FGD3: variants seen among roughly 807,000 people sequenced by gnomAD.
FGD3 encodes the protein FYVE, RhoGEF and PH domain containing 3, also known as FYVE, RhoGEF and PH domain-containing protein 3.
In FGD3, 45 loss-of-function variants were observed where a neutral mutation model predicts 71.8. The ratio of observed to expected loss-of-function variants is 0.63; its 90% CI spans 0.49 to 0.80. The LOEUF (loss-of-function observed/expected upper bound fraction) is 0.80. FGD3 is among the 30% of genes least tolerant of loss of function. FGD3 has a pLI of 0.00. For missense variants in FGD3, 844 were observed against 951.5 expected (o/e 0.89, Z 1.49); for synonymous variants, 378 against 392.8 (o/e 0.96, Z 0.44).
chr9:92,981,543 T>C (rs949621514), intron 3 of FGD3, among the ~76,000 whole-genome samples: 4 of 152,180 alleles, frequency 2.6e-5, no homozygotes, highest in Non-Finnish European at 5.9e-5. Flanking sequence ...TGTAATTGTC[T>C]GTTTGGTTCA....
At chr9:92,981,935 T>G (rs959587104) in intron 3 of FGD3, among the ~76,000 whole-genome samples, 2 of 152,194 alleles carry the variant, frequency 1.3e-5, no homozygotes, top group Non-Finnish European at 2.9e-5. Flanking sequence ...GATTAGATCA[T>G]GGCAATTAAC....
intron 10 of FGD3, 98 bp downstream of exon 10, chr9:93,015,927 G>C: frequency 9.4e-7 from 1 of 1,059,584 alleles, no homozygotes; most frequent in Non-Finnish European, 1.5e-6. Context: ...TCACCTCTGT[G>C]CAGCCTGGCA....
chr9:93,001,352 T>C (rs970634524), intron 3 of FGD3, among the ~76,000 whole-genome samples: 1 of 152,234 alleles, frequency 6.6e-6, no homozygotes, highest in Non-Finnish European at 1.5e-5. Context: ...TACATTTTTC[T>C]GTTTCTTTGT....
chr9:92,950,547 G>A (rs1397401499), intron 1 of FGD3, among the ~76,000 whole-genome samples: 1 of 152,190 alleles, frequency 6.6e-6, no homozygotes, highest in African/African-American at 2.4e-5. Context: ...ACGCAGCTTG[G>A]CAGTCCTTGC....
At chr9:92,963,622 G>A (rs1859215468) in intron 1 of FGD3, among the ~76,000 whole-genome samples, 1 of 152,138 alleles carries the variant, frequency 6.6e-6, no homozygotes, top group South Asian at 2.1e-4. Flanking sequence ...TAAAAAAAAT[G>A]AATATAAGCC....
At chr9:93,007,960 G>T (rs543493511) in intron 6 of FGD3, among the ~76,000 whole-genome samples, 39 of 152,264 alleles carry the variant, frequency 2.6e-4, no homozygotes, top group East Asian at 1.5e-3. Flanking sequence ...GACCTGGTGT[G>T]GAAAAAACAG....
intron 3 of FGD3, among the ~76,000 whole-genome samples, chr9:92,993,692 A>G (rs1860511282): frequency 6.6e-6 from 1 of 152,032 alleles, no homozygotes; most frequent in Admixed American, 6.6e-5. Context: ...TTCAATTCCC[A>G]TCTATGAGTG....
intron 3 of FGD3, among the ~76,000 whole-genome samples, chr9:92,981,024 G>A (rs1298638442): frequency 1.3e-5 from 2 of 151,644 alleles, no homozygotes; most frequent in Admixed American, 1.3e-4. Context: ...GCACATGTCT[G>A]TGGATTTTCA....
chr9:93,006,360 T>C (rs1209496686), intron 6 of FGD3, among the ~76,000 whole-genome samples, 180 bp downstream of exon 6: 2 of 152,220 alleles, frequency 1.3e-5, no homozygotes, highest in Non-Finnish European at 2.9e-5. Flanking sequence ...AGATGTTCTG[T>C]TGATGCTTTG....
rs774948866 is a variant in FGD3 at position 93,022,327 on chromosome 9, A to G, written c.1495A>G (p.Ile499Val). Residue 499 changes from isoleucine to valine, a missense_variant and splice_region_variant, in exon 14 of 18, where the codon ATC becomes GTC. Transcript: ENST00000375482. ...CACTCGGCCTCTGTGTCCCTTCTAGATCACGAGCACCAGCCCTGTGGAGCC... is the reference window on the plus strand; with the variant it reads ...CACTCGGCCTCTGTGTCCCTTCTAGGTCACGAGCACCAGCCCTGTGGAGCC... ...EDPSLSPDMP[I>V]TSTSPVEPVV... The G allele has an allele frequency of 7.4e-6, 12 of 1,611,356 alleles. No individual in the cohort carries two copies. In the South Asian group the frequency reaches 1.2e-4, roughly 16 times the overall value.
chr9:92,971,846 A>C (rs745399080), intron 1 of FGD3, among the ~76,000 whole-genome samples: 4 of 151,942 alleles, frequency 2.6e-5, no homozygotes, highest in Non-Finnish European at 5.9e-5. Flanking sequence ...GGGTGTGCTC[A>C]TGAAATTATC....
intron 3 of FGD3, among the ~76,000 whole-genome samples, chr9:92,979,205 TTA>T (rs1284426653): frequency 6.6e-6 from 1 of 152,164 alleles, no homozygotes; most frequent in African/African-American, 2.4e-5. Context: ...AGGAAAAGTT[TTA>T]GTCTTTCACC....
chr9:93,016,989 G>A (rs1387343387), intron 10 of FGD3, among the ~76,000 whole-genome samples: 5 of 152,210 alleles, frequency 3.3e-5, no homozygotes, highest in African/African-American at 9.6e-5. Context: ...AGCTGGGCAC[G>A]TAGTTTCGCT....
At chr9:92,951,725 G>A (rs1858957617) in intron 1 of FGD3, among the ~76,000 whole-genome samples, 1 of 148,288 alleles carries the variant, frequency 6.7e-6, no homozygotes, top group Non-Finnish European at 1.5e-5. Context: ...CAGATGTAGG[G>A]TTGTGTCTGA....
At chr9:92,963,584 G>A (rs1452857642) in intron 1 of FGD3, among the ~76,000 whole-genome samples, 1 of 152,200 alleles carries the variant, frequency 6.6e-6, no homozygotes, top group Non-Finnish European at 1.5e-5. Context: ...TCAGGCATGA[G>A]CCACCATGCC....
chr9:93,021,497 C>T (rs1861917508), intron 13 of FGD3, among the ~76,000 whole-genome samples: 1 of 152,150 alleles, frequency 6.6e-6, no homozygotes, highest in Admixed American at 6.5e-5. Context: ...TGGCCCTGGA[C>T]AAGGCATAGG....
At chr9:92,954,277 G>T (rs1859009955) in intron 1 of FGD3, among the ~76,000 whole-genome samples, 2 of 152,182 alleles carry the variant, frequency 1.3e-5, no homozygotes, top group African/African-American at 4.8e-5. Context: ...ACACAGGAAT[G>T]ACTACTCTGG....
intron 1 of FGD3, among the ~76,000 whole-genome samples, chr9:92,959,624 T>C (rs1380126812): frequency 6.9e-6 from 1 of 144,976 alleles, no homozygotes; most frequent in Non-Finnish European, 1.5e-5. Flanking sequence ...GGAGGATCCC[T>C]CGAGCACAGG....
intron 1 of FGD3, among the ~76,000 whole-genome samples, chr9:92,956,608 G>T (rs557806576): frequency 6.6e-6 from 1 of 152,228 alleles, no homozygotes; most frequent in African/African-American, 2.4e-5. Flanking sequence ...CCAACACCTT[G>T]ATCTCAGAGT....
Sources: allele counts gnomAD v4.1 joint callset (sites outside exome capture counted in the v4.1 genomes callset), GRCh38; gene constraint gnomAD v4.1.1; transcripts MANE v1.5; gene names NCBI Gene and HGNC (gene_info 2026-07-23, HGNC 2026-07-21).